Variants in GRM4 observed in about 807,000 individuals in gnomAD.
GRM4 encodes glutamate metabotropic receptor 4.
A neutral mutation model predicts 81.7 loss-of-function variants in GRM4; 28 were observed. That is an observed-to-expected ratio of 0.34 (90% CI 0.25 to 0.47). GRM4 has a LOEUF of 0.47. Ranked by LOEUF, GRM4 falls within the 20% of genes least tolerant of loss-of-function variation. The probability of loss-of-function intolerance (pLI) is 1.00; values close to 1 mark genes in which losing one functional copy is unlikely to be tolerated. For synonymous variants in GRM4, 488 were observed against 528.8 expected (o/e 0.92, Z 1.06); for missense variants, 948 against 1,290.0 (o/e 0.73, Z 4.06).
At chr6:34,112,270 C>T (rs1453334429) in intron 2 of GRM4, among the ~76,000 whole-genome samples, 1 of 152,208 alleles carries the variant, frequency 6.6e-6, no homozygotes, top group Non-Finnish European at 1.5e-5. Context: ...CTCCTCTCCC[C>T]CGCCCCAGGG....
chr6:34,028,445 A>T (rs1764250318), intron 9 of GRM4, 79 bp from the exon 10 acceptor site: 1 of 1,479,210 alleles, frequency 6.8e-7, no homozygotes, highest in Admixed American at 2.0e-5. Flanking sequence ...CCACCCAGGG[A>T]CCCACCCGGC....
chr6:34,134,145 C>A (rs1770361586), intron 1 of GRM4, among the ~76,000 whole-genome samples: 1 of 152,156 alleles, frequency 6.6e-6, no homozygotes, highest in Non-Finnish European at 1.5e-5. Context: ...CAGCCTCGAA[C>A]TGGCTTGGAA....
intron 6 of GRM4, among the ~76,000 whole-genome samples, chr6:34,046,131 GGTACACACGTGC>G (rs1765351835): frequency 6.6e-6 from 1 of 152,152 alleles, no homozygotes; most frequent in Non-Finnish European, 1.5e-5. Flanking sequence ...TTCTAGCACT[GGTACACACGTGC>G]GTGCACACAC....
Position 34,040,202 on chromosome 6 carries a change from G to C in GRM4, c.1482C>G (p.Ser494=). 1 of 1,614,138 alleles carries C rather than the reference G, an allele frequency of 6.2e-7. No homozygotes were observed. The highest frequency in any genetic ancestry group is 1.1e-5 in the South Asian group (1 of 91,088). Residue 494 remains serine, a synonymous_variant, in exon 8 of 11, where the codon TCC becomes TCG. Transcript: ENST00000538487. ...NDSAEYKVIG[S]WTDHLHLRIE... is the part of the protein sequence containing the mutation. ...CTCTAAGGTGCAGGTGGTCAGTCCA[G>C]GAGCCAATGACCTTGTACTCGGCAG...
chr6:34,147,369 T>C (rs976279327), upstream of GRM4, among the ~76,000 whole-genome samples: 1 of 152,200 alleles, frequency 6.6e-6, no homozygotes, highest in Non-Finnish European at 1.5e-5. Context: ...GCCTTGAAAG[T>C]TCCTGCTGCC....
intron 2 of GRM4, among the ~76,000 whole-genome samples, chr6:34,100,416 G>A (rs1056606063): frequency 6.6e-6 from 1 of 152,210 alleles, no homozygotes; most frequent in African/African-American, 2.4e-5. Flanking sequence ...CTAGGCTGCA[G>A]GCACTACTAT....
rs1037154773 is a variant in GRM4, at chr6:34,084,967, C to T, written c.736+6916G>A. ...ACTTATTCAGGCGGGCTCTGCTGAG[C>T]ACCTACTGTGTGCAGGGCAGGTGCT... On this transcript the variant is annotated intron_variant, in intron 3 of 10. Coordinates refer to ENST00000538487, the MANE Select transcript of GRM4 (RefSeq NM_000841.4). 2.0e-5 allele frequency among the ~76,000 whole-genome samples: 3 copies of T among 152,136 alleles called. No individual in the cohort carries two copies. In the East Asian group the frequency reaches 5.8e-4, roughly 29 times the overall value.
rs774668792 is a variant in GRM4 at position 34,036,177 on chromosome 6, C to A, written c.1933G>T (p.Ala645Ser). ...GAGCAGGTGCCAAGGTCGGGCTCAG[C>A]GATCATGAGGAAGGTGGTGGCATAG... Reference protein sequence around the residue: ...LCYATTFLMIAEPDLGTCSLR... With the variant: ...LCYATTFLMISEPDLGTCSLR... Residue 645 changes from alanine to serine, a missense_variant, in exon 9 of 11, where the codon GCT becomes TCT. Ala to Ser is a moderately conservative substitution (Grantham distance 99). Coordinates refer to ENST00000538487, the MANE Select transcript of GRM4 (RefSeq NM_000841.4). The surrounding 1 kb of genome is among the most constrained non-coding windows in gnomAD (Gnocchi z 9.0). The A allele has an allele frequency of 1.2e-6, 2 of 1,614,104 alleles. No individual in the cohort carries two copies. Among genetic ancestry groups the A allele is most frequent in the Non-Finnish European group, 1.7e-6 (2 of 1,179,946 alleles).
rs773850045 is a variant in GRM4 at position 34,112,045 on chromosome 6, C to T, written c.520-19946G>A. 4.6e-5 allele frequency among the ~76,000 whole-genome samples: 7 copies of T among 152,150 alleles called. 1 individual carries two copies. Among genetic ancestry groups the T allele is most frequent in the Non-Finnish European group, 1.0e-4 (7 of 68,016 alleles). ...AGTGGAAGGGGGGGACATGATCACT[C>T]CTGGAAAGCCCTGCTTCAGCCCAGG... On this transcript the variant is annotated intron_variant, in intron 2 of 10. Transcript: ENST00000538487.
At chr6:34,113,437 C>T (rs1769468200) in intron 2 of GRM4, among the ~76,000 whole-genome samples, 2 of 152,222 alleles carry the variant, frequency 1.3e-5, no homozygotes, top group South Asian at 4.1e-4. Flanking sequence ...TGCCTGGCCA[C>T]GTTCTCCCAT....
rs1252431291 is a variant in GRM4, at chr6:34,091,997, C to T, written c.622G>A (p.Ala208Thr). 6.2e-7 allele frequency: 1 copy of T among 1,614,122 alleles called. No individual in the cohort carries two copies. The change falls in exon 3 of 11, where the codon GCC (alanine) becomes ACC (threonine). Residue 208 changes from alanine (A) to threonine (T), a missense_variant. Physicochemically the swap from Ala to Thr is moderately conservative, Grantham distance 58. Coordinates refer to ENST00000538487, the MANE Select transcript of GRM4 (RefSeq NM_000841.4). ...VVPSDTYQAQ[A>T]MVDIVRALKW... ...AGGGCACGGACGATGTCCACCATGG[C>T]CTGGGCCTGGTACGTGTCCGAGGGC...
Position 34,064,431 on chromosome 6 carries a change from A to G in GRM4, c.737-2403T>C, listed in dbSNP as rs556921948. ...AAGAGGTGGGGTTTGAACTTGGGCC[A>G]TCTGGCTCCAGCGGCCACCTTTCAT... is the stretch of plus-strand genomic sequence containing the variant. On this transcript the variant is annotated intron_variant, in intron 3 of 10. Transcript: ENST00000538487. This position sits in a 1 kb window ranked among gnomAD's most constrained non-coding sequence, Gnocchi z 4.4. Among the ~76,000 whole-genome samples the G allele has an allele frequency of 2.6e-4, 40 of 152,354 alleles. No homozygotes were observed. The highest frequency in any genetic ancestry group is 1.9e-3 in the Admixed American group (29 of 15,308).
Position 34,140,685 on chromosome 6 carries a change from G to A in GRM4, c.-364+5315C>T, listed in dbSNP as rs533789910. On this transcript the variant is annotated intron_variant, in intron 1 of 10. Transcript: ENST00000538487. ...CAAGCCCCAACCATGCAGACCCCCA[G>A]GCCTCTCCTCCCCATCCCTACATGC... is the stretch of plus-strand genomic sequence containing the variant. Among the ~76,000 whole-genome samples, 5 of 152,258 alleles carry A rather than the reference G, an allele frequency of 3.3e-5. No homozygotes were observed. The East Asian group carries it at 9.6e-4, about 29-fold the overall frequency.
chr6:34,036,277 G>A lies in GRM4; in HGVS notation c.1833C>T (p.Arg611=). The A allele has an allele frequency of 6.2e-7, 1 of 1,614,166 alleles. No homozygotes were observed. The highest frequency in any genetic ancestry group is 8.5e-7 in the Non-Finnish European group (1 of 1,180,008). Reference sequence around the variant, plus strand: ...CCTTGACGATGGGCGTGTCGTTGTAGCGCACAAAGGTGATCACCACGAACA... The same window carrying A: ...CCTTGACGATGGGCGTGTCGTTGTAACGCACAAAGGTGATCACCACGAACA... The part of the protein sequence containing the change: ...ATLFVVITFV[R]YNDTPIVKAS... Residue 611 remains arginine (R), a synonymous_variant, in exon 9 of 11, where the codon CGC becomes CGT. Coordinates refer to ENST00000538487, the MANE Select transcript of GRM4 (RefSeq NM_000841.4). The surrounding 1 kb of genome is among the most constrained non-coding windows in gnomAD (Gnocchi z 9.0).
At chr6:34,146,796 G>C (rs747196922), upstream of GRM4, among the ~76,000 whole-genome samples, 1 of 152,286 alleles carries the variant, frequency 6.6e-6, no homozygotes, top group South Asian at 2.1e-4. Flanking sequence ...GGCAGGACTC[G>C]GCCAACCCTA....
Position 34,125,955 on chromosome 6 carries a change from A to G in GRM4, c.519+7023T>C, listed in dbSNP as rs1248561979. On this transcript the variant is annotated intron_variant, in intron 2 of 10. Coordinates refer to ENST00000538487, the MANE Select transcript of GRM4 (RefSeq NM_000841.4). The stretch of plus-strand genomic sequence containing the variant: ...TCACGAGCACTCCAGCATCTATTGA[A>G]TCCTATTCTGTATCCCTAGCCTCCC... Among the ~76,000 whole-genome samples the G allele has an allele frequency of 3.9e-5, 6 of 152,094 alleles. No individual in the cohort carries two copies. The East Asian group carries it at 9.6e-4, about 24-fold the overall frequency.
rs1190130070 is a variant in GRM4 at position 34,070,131 on chromosome 6, G to T, written c.737-8103C>A. On this transcript the variant is annotated intron_variant, in intron 3 of 10. Coordinates refer to ENST00000538487, the MANE Select transcript of GRM4 (RefSeq NM_000841.4). This position sits in a 1 kb window ranked among gnomAD's most constrained non-coding sequence, Gnocchi z 4.6. The stretch of plus-strand genomic sequence containing the variant: ...GAGTTGGAGGTGAACACTCGCACCT[G>T]CTCACACGCTCCCATCCCCTCGGTG... 2.0e-5 allele frequency among the ~76,000 whole-genome samples: 3 copies of T among 152,104 alleles called. No individual in the cohort carries two copies. The highest frequency in any genetic ancestry group is 7.2e-5 in the African/African-American group (3 of 41,430).
chr6:34,048,022 C>T lies in GRM4; in HGVS notation c.1169-7274G>A, dbSNP rs1027644561. ...GACAGTGAAGCCCAACTGTAAATGACCACAGCAGCAGAGAAGCCGTGTCTC... is the reference window on the plus strand; with the variant it reads ...GACAGTGAAGCCCAACTGTAAATGATCACAGCAGCAGAGAAGCCGTGTCTC... On this transcript the variant is annotated intron_variant, in intron 6 of 10. Coordinates refer to ENST00000538487, the MANE Select transcript of GRM4 (RefSeq NM_000841.4). The surrounding 1 kb of genome is among the most constrained non-coding windows in gnomAD (Gnocchi z 4.0). 6.6e-6 allele frequency among the ~76,000 whole-genome samples: 1 copy of T among 152,156 alleles called. No individual in the cohort carries two copies. Among genetic ancestry groups the T allele is most frequent in the Non-Finnish European group, 1.5e-5 (1 of 68,030 alleles).
intron 3 of GRM4, among the ~76,000 whole-genome samples, chr6:34,067,765 C>T (rs1410435218): frequency 6.6e-6 from 1 of 152,132 alleles, no homozygotes; most frequent in African/African-American, 2.4e-5. Context: ...TCATCCTGAG[C>T]AGAAGCACAA....
Sources: gnomAD v4.1 joint callset for allele counts (sites outside exome capture counted in the v4.1 genomes callset) on GRCh38, gnomAD v4.1.1 for gene constraint, Gnocchi (gnomAD v3.1) non-coding constraint, MANE v1.5 for transcripts, NCBI Gene and HGNC (gene_info 2026-07-23, HGNC 2026-07-21) for gene names.